Variants in SAMD5 observed in about 807,000 individuals in gnomAD.
SAMD5 encodes the protein sterile alpha motif domain-containing protein 5.
SAMD5 carries 13 observed loss-of-function variants against 11.3 expected under a neutral mutation model. The observed-to-expected ratio is 1.15, with a 90% CI of 0.75 to 1.83. The LOEUF (loss-of-function observed/expected upper bound fraction) is 1.83, where lower values mean the gene tolerates loss of function less well. Ranked by LOEUF, SAMD5 falls within the 40% of genes most tolerant of loss-of-function variation. The pLI is 0.00. For synonymous variants in SAMD5, 129 were observed against 111.3 expected (o/e 1.16, Z -1.00); for missense variants, 255 against 239.1 (o/e 1.07, Z -0.44).
At chr6:147,543,484 G>A (rs1788637968) in intron 1 of SAMD5, among the ~76,000 whole-genome samples, 1 of 152,112 alleles carries the variant, frequency 6.6e-6, no homozygotes, top group African/African-American at 2.4e-5. Flanking sequence ...TTATTTGCTT[G>A]ACACCTACCC....
intron 1 of SAMD5, among the ~76,000 whole-genome samples, chr6:147,550,185 G>A (rs1328760983): frequency 6.6e-6 from 1 of 152,094 alleles, no homozygotes; most frequent in Non-Finnish European, 1.5e-5. Flanking sequence ...TGAGGTTACA[G>A]TGAGCCATGA....
At chr6:147,744,672 C>T in the SAMD5 span, among the ~76,000 whole-genome samples, 32 of 152,170 alleles carry the variant, frequency 2.1e-4, no homozygotes, top group African/African-American at 4.6e-4. Flanking sequence ...CCAAGGCGGG[C>T]GGATCACCTG....
chr6:147,640,364 G>A (rs1242386977), intron 1 of SAMD5, among the ~76,000 whole-genome samples: 1 of 151,166 alleles, frequency 6.6e-6, no homozygotes, highest in Non-Finnish European at 1.5e-5. Flanking sequence ...GGGTGTGGTG[G>A]TGTACACCTG....
At chr6:147,639,896 A>G (rs574733735) in intron 1 of SAMD5, among the ~76,000 whole-genome samples, 22 of 151,612 alleles carry the variant, frequency 1.5e-4, no homozygotes, top group Non-Finnish European at 3.2e-4. Flanking sequence ...TTTCTTTTCT[A>G]TTAGAACAGG....
chr6:147,642,222 C>G (rs984720119), intron 1 of SAMD5, among the ~76,000 whole-genome samples: 2 of 152,200 alleles, frequency 1.3e-5, no homozygotes, highest in Non-Finnish European at 2.9e-5. Flanking sequence ...TCCATTTCCT[C>G]TTTCTTACTT....
chr6:147,648,569 GC>G (rs1381830782), intron 1 of SAMD5, among the ~76,000 whole-genome samples: 1 of 152,194 alleles, frequency 6.6e-6, no homozygotes, highest in African/African-American at 2.4e-5. Flanking sequence ...CCTCCTTTTA[GC>G]TGATGTACAA....
chr6:147,712,797 C>G (rs1278994046), intron 1 of SAMD5, among the ~76,000 whole-genome samples: 1 of 149,602 alleles, frequency 6.7e-6, no homozygotes, highest in Non-Finnish European at 1.5e-5. Context: ...ACTTCCCAGC[C>G]TCTGGAACTA....
the SAMD5 span, among the ~76,000 whole-genome samples, chr6:147,776,621 G>A: frequency 1.3e-5 from 2 of 152,206 alleles, no homozygotes; most frequent in African/African-American, 4.8e-5. Context: ...TCAAGAGGTG[G>A]TCTTTGTAGA....
At chr6:147,669,212 C>T (rs531229163) in intron 1 of SAMD5, among the ~76,000 whole-genome samples, 31 of 152,242 alleles carry the variant, frequency 2.0e-4, no homozygotes, top group African/African-American at 5.5e-4. Flanking sequence ...AACCAATCCT[C>T]GTAAACTGTG....
At chr6:147,698,777 CTG>C (rs1345982157) in intron 1 of SAMD5, among the ~76,000 whole-genome samples, 5 of 152,144 alleles carry the variant, frequency 3.3e-5, no homozygotes, top group African/African-American at 1.2e-4. Flanking sequence ...ATAAACAAGA[CTG>C]TTGAGAATTG....
At chr6:147,912,638 A>T in the SAMD5 span, among the ~76,000 whole-genome samples, 45 of 152,320 alleles carry the variant, frequency 3.0e-4, 2 homozygotes, top group South Asian at 8.9e-3. Flanking sequence ...TTACATCAGT[A>T]TTTGTAACTT....
the SAMD5 span, among the ~76,000 whole-genome samples, chr6:147,865,717 C>G: frequency 1.3e-5 from 2 of 152,078 alleles, no homozygotes; most frequent in Non-Finnish European, 2.9e-5. Flanking sequence ...ATTTGCAAAG[C>G]TGAGCCTTCA....
chr6:147,658,659 G>GTT (rs67968760), intron 1 of SAMD5, among the ~76,000 whole-genome samples: 1 of 148,142 alleles, frequency 6.8e-6, no homozygotes. Context: ...CTCCTACTGG[G>GTT]TTTTTTTTTT....
At chr6:147,614,367 G>A (rs1789834926) in intron 1 of SAMD5, among the ~76,000 whole-genome samples, 1 of 151,760 alleles carries the variant, frequency 6.6e-6, no homozygotes, top group East Asian at 1.9e-4. Flanking sequence ...TACCAGGGAG[G>A]CTGAGGCAGG....
the SAMD5 span, among the ~76,000 whole-genome samples, chr6:147,816,301 A>AAAAAAAATATAAAT: frequency 1.5e-5 from 1 of 66,364 alleles, no homozygotes; most frequent in African/African-American, 1.0e-4. Context: ...AAAAAAAAAA[A>AAAAAAAATATAAAT]ATATATATAT....
chr6:147,879,020 T>G, the SAMD5 span, among the ~76,000 whole-genome samples: 3 of 152,234 alleles, frequency 2.0e-5, no homozygotes, highest in African/African-American at 4.8e-5. Context: ...TATTTTGGAA[T>G]GCAGTTATTT....
At chr6:147,596,095 A>T (rs1416844169) in intron 1 of SAMD5, among the ~76,000 whole-genome samples, 1 of 152,194 alleles carries the variant, frequency 6.6e-6, no homozygotes, top group East Asian at 1.9e-4. Context: ...TTCCCTGTTA[A>T]GTAAGAAACT....
chr6:147,684,817 A>T (rs1490805467), intron 1 of SAMD5, among the ~76,000 whole-genome samples: 2 of 152,192 alleles, frequency 1.3e-5, no homozygotes, highest in East Asian at 3.8e-4. Context: ...CACTGGAGAA[A>T]ATTACAATTG....
chr6:147,923,132 T>A, the SAMD5 span, among the ~76,000 whole-genome samples: 1 of 152,230 alleles, frequency 6.6e-6, no homozygotes, highest in Non-Finnish European at 1.5e-5. Flanking sequence ...AAACGTTTTT[T>A]ATGGGGCCCA....
Sources: allele counts gnomAD v4.1 joint callset (sites outside exome capture counted in the v4.1 genomes callset), GRCh38; gene constraint gnomAD v4.1.1; transcripts MANE v1.5; gene names NCBI Gene and HGNC (gene_info 2026-07-23, HGNC 2026-07-21).